The following FAP variants were observed in gnomAD, a reference collection of about 807,000 sequenced individuals.
The protein encoded by FAP is fibroblast activation protein alpha, also known as prolyl endopeptidase FAP.
In FAP, 110 loss-of-function variants were observed where a neutral mutation model predicts 126.5. The ratio of observed to expected loss-of-function variants is 0.87; its 90% CI spans 0.74 to 1.02. The LOEUF is 1.02. Among genes scored for constraint, FAP ranks in the 50% least tolerant of loss-of-function variants. The pLI, the probability that FAP is intolerant of heterozygous loss-of-function variation, is 0.00. For synonymous variants in FAP, 334 were observed against 297.3 expected (o/e 1.12, Z -1.27); for missense variants, 919 against 909.2 (o/e 1.01, Z -0.14).
chr2:162,241,414 C>T (rs1690340052), intron 2 of FAP, among the ~76,000 whole-genome samples: 1 of 152,142 alleles, frequency 6.6e-6, no homozygotes, highest in African/African-American at 2.4e-5. Flanking sequence ...CTCTATACAT[C>T]ATTTGTAAAT....
At chr2:162,206,960 T>A (rs1688724296) in intron 12 of FAP, among the ~76,000 whole-genome samples, 1 of 152,218 alleles carries the variant, frequency 6.6e-6, no homozygotes, top group Admixed American at 6.5e-5. Flanking sequence ...TCTTTTTCCA[T>A]TTTAAATATC....
chr2:162,206,114 A>G (rs926123333), intron 12 of FAP, among the ~76,000 whole-genome samples: 20 of 152,220 alleles, frequency 1.3e-4, no homozygotes, highest in African/African-American at 4.6e-4. Context: ...CTCCCCTTTC[A>G]TTGCACACAT....
At chr2:162,172,501 A>C in intron 25 of FAP, 1 of 255,040 alleles carries the variant, frequency 3.9e-6, no homozygotes, top group Non-Finnish European at 7.7e-6. Flanking sequence ...CAGGGACTCT[A>C]AGCATATAAT....
chr2:162,178,428 T>C (rs1246485731), intron 21 of FAP, among the ~76,000 whole-genome samples: 1 of 152,172 alleles, frequency 6.6e-6, no homozygotes, highest in African/African-American at 2.4e-5. Flanking sequence ...TCACAGGATG[T>C]TTAACAGCAT....
chr2:162,194,171 T>C (rs1051565656), intron 17 of FAP: 2 of 152,286 alleles, frequency 1.3e-5, no homozygotes, highest in Non-Finnish European at 2.9e-5. Context: ...GTGGCAACAA[T>C]GTGATGTAGC....
intron 2 of FAP, among the ~76,000 whole-genome samples, chr2:162,227,607 C>A (rs139760944): frequency 6.6e-6 from 1 of 152,262 alleles, no homozygotes; most frequent in East Asian, 1.9e-4. Flanking sequence ...GAGAACAAAA[C>A]TGTCAAAGAT....
intron 14 of FAP, among the ~76,000 whole-genome samples, chr2:162,201,860 G>A (rs561248822): frequency 9.9e-5 from 15 of 152,178 alleles, no homozygotes; most frequent in Admixed American, 5.2e-4. Flanking sequence ...AGGGACCTCC[G>A]CCTTCAGTTT....
intron 21 of FAP, 73 bp from the exon 22 acceptor site, chr2:162,175,039 C>G: frequency 3.8e-6 from 4 of 1,058,314 alleles, no homozygotes; most frequent in Non-Finnish European, 5.8e-6. Context: ...TATAGCAACT[C>G]TACTCACAAT....
intron 12 of FAP, among the ~76,000 whole-genome samples, chr2:162,207,027 T>A (rs917017544): frequency 1.3e-5 from 2 of 152,212 alleles, no homozygotes; most frequent in African/African-American, 4.8e-5. Context: ...TTTATACTAA[T>A]ACGACTAGCT....
At chr2:162,243,156 G>C (rs968797545) in intron 1 of FAP, 164 bp from the exon 2 acceptor site, 1 of 794,694 alleles carries the variant, frequency 1.3e-6, no homozygotes, top group African/African-American at 1.7e-5. Context: ...GCTCTGCAAG[G>C]ACAAATGTTT....
chr2:162,193,695 C>A (rs1688135948), intron 17 of FAP: 1 of 147,998 alleles, frequency 6.8e-6, no homozygotes, highest in Admixed American at 6.7e-5. Flanking sequence ...CAAAAAAAAC[C>A]TTAAAATGAA....
chr2:162,170,720 A>G lies in FAP; in HGVS notation c.*259T>C, dbSNP rs1687275005. 2 of 373,702 alleles carry G rather than the reference A, an allele frequency of 5.4e-6. No homozygotes were observed. The highest frequency in any genetic ancestry group is 4.2e-5 in the Admixed American group (1 of 23,690). 23.1% of individuals were successfully genotyped at this position (373,702 alleles called of 1,614,324 possible). A position where few individuals can be genotyped will look rare whatever the true frequency, so the allele number is the denominator to read the frequency against. On this transcript the variant is annotated 3_prime_UTR_variant, in exon 26 of 26. Transcript: ENST00000188790. ...CTTCTGACTTTATTATTTTTCTTCA[A>G]ATGAACAGGTGATAAAACACTGTGT...
intron 12 of FAP, among the ~76,000 whole-genome samples, chr2:162,204,581 CAA>C (rs1336871329): frequency 2.0e-5 from 3 of 152,134 alleles, no homozygotes; most frequent in South Asian, 2.1e-4. Flanking sequence ...GGCTGTTAAA[CAA>C]ACAATGCTCA....
chr2:162,206,793 A>G (rs1688714594), intron 12 of FAP, among the ~76,000 whole-genome samples: 1 of 152,220 alleles, frequency 6.6e-6, no homozygotes. Flanking sequence ...ATTAATCCTA[A>G]CTTAAAGGAC....
At chr2:162,184,232 C>G (rs1209382169) in intron 20 of FAP, among the ~76,000 whole-genome samples, 1 of 152,030 alleles carries the variant, frequency 6.6e-6, no homozygotes, top group Admixed American at 6.6e-5. Context: ...AAGAAAATCT[C>G]AGAGAAACAG....
Position 162,185,498 on chromosome 2 carries a change from C to A in FAP, c.1815-2030G>T, listed in dbSNP as rs533883926. ...CACATATGTACCATTTGAAGAGACA[C>A]CTAAAGAAAGCGGGTTCCAGTCTCC... On this transcript the variant is annotated intron_variant, in intron 20 of 25. Transcript: ENST00000188790. 1.1e-4 allele frequency among the ~76,000 whole-genome samples: 16 copies of A among 152,224 alleles called. No homozygotes were observed. The East Asian group carries it at 3.1e-3, about 29-fold the overall frequency.
At chr2:162,213,633 A>G (rs1689050848) in intron 11 of FAP, among the ~76,000 whole-genome samples, 1 of 152,042 alleles carries the variant, frequency 6.6e-6, no homozygotes, top group Non-Finnish European at 1.5e-5. Flanking sequence ...CAATGTTATA[A>G]TCTCAAAGGG....
At chr2:162,187,707 C>T (rs1255391319) in intron 20 of FAP, among the ~76,000 whole-genome samples, 6 of 151,954 alleles carry the variant, frequency 3.9e-5, no homozygotes, top group East Asian at 1.9e-4. Context: ...CTACCATGGC[C>T]GACTGATAGC....
At chr2:162,183,278 C>A in intron 21 of FAP, 136 bp downstream of exon 21, 1 of 752,696 alleles carries the variant, frequency 1.3e-6, no homozygotes, top group Non-Finnish European at 2.3e-6. Flanking sequence ...CCAGATTATC[C>A]AAACTGACTG....
Sources: gnomAD v4.1 joint callset for allele counts (sites outside exome capture counted in the v4.1 genomes callset) on GRCh38, gnomAD v4.1.1 for gene constraint, MANE v1.5 for transcripts, NCBI Gene and HGNC (gene_info 2026-07-23, HGNC 2026-07-21) for gene names.